EAF2: variants seen among roughly 807,000 people sequenced by gnomAD.
EAF2 encodes ELL-associated factor 2.
In EAF2, 29 loss-of-function variants were observed where a neutral mutation model predicts 29.4. That is an observed-to-expected ratio of 0.99 (90% CI 0.73 to 1.35). The LOEUF is 1.35. Ranked by LOEUF, EAF2 falls within the 40% of genes most tolerant of loss-of-function variation. The probability of loss-of-function intolerance (pLI) is 0.00; values close to 1 mark genes in which losing one functional copy is unlikely to be tolerated. For synonymous variants in EAF2, 103 were observed against 102.5 expected (o/e 1.00, Z -0.03); for missense variants, 292 against 312.0 (o/e 0.94, Z 0.48).
At chr3:121,873,161 T>C in intron 5 of EAF2, 1 of 611,910 alleles carries the variant, frequency 1.6e-6, no homozygotes, top group South Asian at 2.0e-5. Context: ...GTAGGTAACT[T>C]GCAAATTTAT....
At chr3:121,847,275 G>A (rs1708545493) in intron 2 of EAF2, among the ~76,000 whole-genome samples, 1 of 152,144 alleles carries the variant, frequency 6.6e-6, no homozygotes, top group Admixed American at 6.6e-5. Flanking sequence ...TAAAGAAACA[G>A]GAAAGAGAGG....
At chr3:121,837,612 A>G (rs1016646103) in intron 1 of EAF2, 6 of 152,224 alleles carry the variant, frequency 3.9e-5, no homozygotes, top group Non-Finnish European at 5.9e-5. Flanking sequence ...AAGATAGCAT[A>G]AACAACCTGG....
At chr3:121,841,519 AAAAAAAAAAAAAAAAAAAAAAAAAGAAAG>A (rs1559816460) in intron 1 of EAF2, among the ~76,000 whole-genome samples, 3 of 73,970 alleles carry the variant, frequency 4.1e-5, no homozygotes, top group South Asian at 7.6e-4. Context: ...AAAAAAAAAA[AAAAAAAAAAAAAAAAAAAAAAAAAGAAAG>A]AAAGAAAGAA....
rs372997631 is a variant in EAF2, at chr3:121,872,715, G to A, written c.663G>A (p.Gln221=). ...NCVSGHPTMT[Q]YRIPDIDASH... ...TCTCAGGACATCCTACCATGACACA[G>A]TACAGGATTCCTGATATAGATGCCA... Residue 221 remains glutamine (Q), a synonymous_variant, in exon 5 of 6, where the codon CAG becomes CAA. Transcript: ENST00000273668. 1 of 1,612,662 alleles carries A rather than the reference G, an allele frequency of 6.2e-7. No homozygotes were observed. The highest frequency in any genetic ancestry group is 1.7e-5 in the Admixed American group (1 of 59,918).
At position 121,844,478 on chromosome 3, in the gene EAF2, C is replaced by T. The variant is rs775561459; in HGVS notation, c.132C>T (p.Asp44=). 1.2e-6 allele frequency: 2 copies of T among 1,609,220 alleles called. No individual in the cohort carries two copies. Among genetic ancestry groups the T allele is most frequent in the East Asian group, 4.5e-5 (2 of 44,358 alleles). Residue 44 remains aspartate (D), a synonymous_variant, in exon 2 of 6, where the codon GAC becomes GAT. Coordinates refer to ENST00000273668, the MANE Select transcript of EAF2 (RefSeq NM_018456.6). ...VRYDFKPASI[D]TSSEGYLEVG... ...ATGACTTCAAACCTGCTTCTATTGA[C>T]ACTTCTTCTGAAGGATACCTTGAGG...
chr3:121,882,810 A>C (rs1222867802), intron 5 of EAF2, among the ~76,000 whole-genome samples: 1 of 150,816 alleles, frequency 6.6e-6, no homozygotes, highest in East Asian at 1.9e-4. Flanking sequence ...AAGTAAAAAT[A>C]GTGAAATTTC....
chr3:121,854,154 A>G (rs1167488478), intron 2 of EAF2, among the ~76,000 whole-genome samples: 1 of 151,922 alleles, frequency 6.6e-6, no homozygotes, highest in Non-Finnish European at 1.5e-5. Context: ...CGTCTCTACT[A>G]AAAATATAAA....
At chr3:121,840,336 C>T (rs532741695) in intron 1 of EAF2, among the ~76,000 whole-genome samples, 1 of 149,394 alleles carries the variant, frequency 6.7e-6, no homozygotes, top group African/African-American at 2.5e-5. Flanking sequence ...ACTAAAAATA[C>T]AAAAATTAGC....
At chr3:121,884,029 A>C (rs1427712229) in intron 5 of EAF2, among the ~76,000 whole-genome samples, 2 of 152,112 alleles carry the variant, frequency 1.3e-5, no homozygotes, top group Non-Finnish European at 2.9e-5. Flanking sequence ...TGTAAGTGGA[A>C]ACTTAATCCT....
chr3:121,836,526 T>G (rs990502060), intron 1 of EAF2: 10 of 613,822 alleles, frequency 1.6e-5, no homozygotes, highest in East Asian at 1.4e-4. Flanking sequence ...ACTAAAAGGG[T>G]TTTTTTAAAG....
chr3:121,864,526 C>T (rs1435129294), intron 4 of EAF2, among the ~76,000 whole-genome samples: 1 of 152,066 alleles, frequency 6.6e-6, no homozygotes. Context: ...ATCATTAACA[C>T]ATTAAATTGC....
Position 121,835,354 on chromosome 3 carries a change from C to T in EAF2, c.69C>T (p.Phe23=), listed in dbSNP as rs1180973243. 1 of 1,614,106 alleles carries T rather than the reference C, an allele frequency of 6.2e-7. No homozygotes were observed. Among genetic ancestry groups the T allele is most frequent in the Admixed American group, 1.7e-5 (1 of 60,028 alleles). Residue 23 remains phenylalanine (F), a synonymous_variant, in exon 1 of 6, where the codon TTC becomes TTT. Transcript: ENST00000273668. ...RERVLKLGES[F]EKQPRCAFHT... Reference sequence around the variant, plus strand: ...GGGTTCTCAAGTTAGGGGAGAGTTTCGAGAAGCAGCCGCGCTGCGCCTTCC... The same window carrying T: ...GGGTTCTCAAGTTAGGGGAGAGTTTTGAGAAGCAGCCGCGCTGCGCCTTCC...
intron 2 of EAF2, among the ~76,000 whole-genome samples, chr3:121,848,241 G>A (rs1417144236): frequency 6.6e-6 from 1 of 152,140 alleles, no homozygotes; most frequent in Non-Finnish European, 1.5e-5. Context: ...CAGCAGAGGG[G>A]CAGAAGGAAG....
At chr3:121,883,775 C>G (rs7625960) in intron 5 of EAF2, among the ~76,000 whole-genome samples, 1 of 152,222 alleles carries the variant, frequency 6.6e-6, no homozygotes, top group Non-Finnish European at 1.5e-5. Flanking sequence ...GAATATATTT[C>G]TATGGGTAAA....
At position 121,841,522 on chromosome 3, in the gene EAF2, A is replaced by G. The variant is rs1055583871; in HGVS notation, c.107-2931A>G. 2.8e-3 allele frequency among the ~76,000 whole-genome samples: 72 copies of G among 26,114 alleles called. 2 individuals are homozygous for G. Among genetic ancestry groups the G allele is most frequent in the East Asian group, 0.011 (2 of 182 alleles). The allele number at this position is 26,114 out of a possible 152,430, so 17.1% of individuals were successfully genotyped here. A position where few individuals can be genotyped will look rare whatever the true frequency, so the allele number is the denominator to read the frequency against. ...CCTGTCTCAAAAAAAAAAAAAAAAA[A>G]AAAAAAAAAAAAAAAAAAAAAGAAA... is the stretch of plus-strand genomic sequence containing the variant. On this transcript the variant is annotated intron_variant, in intron 1 of 5. Coordinates refer to ENST00000273668, the MANE Select transcript of EAF2 (RefSeq NM_018456.6).
chr3:121,883,878 A>G (rs1709231976), intron 5 of EAF2, among the ~76,000 whole-genome samples: 1 of 152,248 alleles, frequency 6.6e-6, no homozygotes, highest in South Asian at 2.1e-4. Context: ...TATATCTTCA[A>G]AACTTGACTG....
chr3:121,846,053 TTTTC>T (rs558819754), intron 2 of EAF2, among the ~76,000 whole-genome samples: 6 of 152,298 alleles, frequency 3.9e-5, no homozygotes, highest in Admixed American at 3.9e-4. Flanking sequence ...TTTTGAGATT[TTTTC>T]TTTGTTTTGT....
At chr3:121,850,615 T>G (rs766811731) in intron 2 of EAF2, among the ~76,000 whole-genome samples, 1 of 152,176 alleles carries the variant, frequency 6.6e-6, no homozygotes, top group Non-Finnish European at 1.5e-5. Context: ...CAAGATATTG[T>G]GTTACATTAT....
intron 1 of EAF2, among the ~76,000 whole-genome samples, chr3:121,837,960 A>G (rs1448406976): frequency 6.6e-6 from 1 of 152,154 alleles, no homozygotes; most frequent in Non-Finnish European, 1.5e-5. Flanking sequence ...GTGAAATCCT[A>G]AGTTTGTAAA....
Sources: allele counts gnomAD v4.1 joint callset (sites outside exome capture counted in the v4.1 genomes callset), GRCh38; gene constraint gnomAD v4.1.1; transcripts MANE v1.5; gene names NCBI Gene and HGNC (gene_info 2026-07-23, HGNC 2026-07-21).